MSI1: variants seen among roughly 807,000 people sequenced by gnomAD.
The protein encoded by MSI1 is RNA-binding protein Musashi homolog 1.
A neutral mutation model predicts 54.4 loss-of-function variants in MSI1; 15 were observed. The observed-to-expected ratio is 0.28, with a 90% confidence interval of 0.18 to 0.42. The LOEUF (loss-of-function observed/expected upper bound fraction) is 0.42. MSI1 is among the 20% of genes least tolerant of loss of function. The probability of loss-of-function intolerance (pLI) is 1.00; values close to 1 mark genes in which losing one functional copy is unlikely to be tolerated. For missense variants in MSI1, 304 were observed against 506.0 expected, an observed-to-expected ratio of 0.60 and a Z score of 3.83; for synonymous variants, 200 against 196.5, an observed-to-expected ratio of 1.02 and a Z score of -0.15.
chr12:120,362,913 C>T (rs1363826978), intron 6 of MSI1, 130 bp downstream of exon 6: 4 of 794,248 alleles, frequency 5.0e-6, no homozygotes, highest in Non-Finnish European at 8.4e-6. Flanking sequence ...TGGTCTGCCC[C>T]CACAGCAGGA....
intron 9 of MSI1, 36 bp from the exon 10 acceptor site, chr12:120,353,415 C>T (rs1874814819): frequency 6.3e-7 from 1 of 1,589,338 alleles, no homozygotes; most frequent in Non-Finnish European, 8.6e-7. Context: ...GATGGCTCAT[C>T]CACAGGGCGG....
rs372696170 is a variant in MSI1, at chr12:120,353,351, G to A, written c.681C>T (p.Tyr227=). The change falls in exon 10 of 15, where the codon TAC becomes TAT. Residue 227 remains tyrosine, a synonymous_variant. Transcript: ENST00000257552. ...CGAGGCCTGTATAACTCCGGCTGGC[G>A]TAGGTTGTGGCTTGGAAACCTGGGT... ...LGYPGFQATT[Y]ASRSYTGLAP... 52 of 1,614,010 alleles carry A rather than the reference G, an allele frequency of 3.2e-5. No homozygotes were observed. In the South Asian group the frequency reaches 3.5e-4, roughly 11 times the overall value.
At chr12:120,343,646 G>A (rs568630737) in intron 14 of MSI1, among the ~76,000 whole-genome samples, 3 of 152,152 alleles carry the variant, frequency 2.0e-5, no homozygotes, top group Non-Finnish European at 4.4e-5. Context: ...AAATAGCCCT[G>A]TCATGCACAG....
intron 9 of MSI1, among the ~76,000 whole-genome samples, chr12:120,353,787 G>A (rs1035855844): frequency 2.0e-5 from 3 of 151,892 alleles, no homozygotes; most frequent in Admixed American, 1.3e-4. Flanking sequence ...CCCACCTCAG[G>A]GCCTTTGCAC....
At chr12:120,354,205 C>A (rs182537073) in intron 9 of MSI1, among the ~76,000 whole-genome samples, 1 of 151,946 alleles carries the variant, frequency 6.6e-6, no homozygotes, top group Non-Finnish European at 1.5e-5. Context: ...AGGCTGGTCT[C>A]GAACTACTAG....
intron 9 of MSI1, among the ~76,000 whole-genome samples, chr12:120,354,581 G>A (rs1235608269): frequency 1.3e-5 from 2 of 152,114 alleles, no homozygotes; most frequent in African/African-American, 2.4e-5. Flanking sequence ...AAAGGCATGT[G>A]CCACTACCCC....
Position 120,368,406 on chromosome 12 carries a change from C to T in MSI1, c.101-133G>A. On this transcript the variant is annotated intron_variant, in intron 2 of 14. Transcript: ENST00000257552. The surrounding 1 kb of genome is among the most constrained non-coding windows in gnomAD (Gnocchi z 6.6). Reference sequence around the variant, plus strand: ...GCTGCCCGCGCGTTCTCCACTGCCGCCGCCCCCCACCGCCCTCGCCCCGTT... The same window carrying T: ...GCTGCCCGCGCGTTCTCCACTGCCGTCGCCCCCCACCGCCCTCGCCCCGTT... 1.2e-6 allele frequency: 1 copy of T among 861,034 alleles called. No homozygotes were observed. The highest frequency in any genetic ancestry group is 1.7e-6 in the Non-Finnish European group (1 of 598,090). The allele number at this position is 861,034 out of a possible 1,614,324, so 53.3% of individuals were successfully genotyped here. A position where few individuals can be genotyped will look rare whatever the true frequency, so the allele number is the denominator to read the frequency against.
chr12:120,356,896 G>A lies in MSI1; in HGVS notation c.652+6C>T, dbSNP rs370653775. 4.3e-6 allele frequency: 7 copies of A among 1,612,278 alleles called. No individual in the cohort carries two copies. In the East Asian group the frequency reaches 6.7e-5, roughly 15 times the overall value. ...AAAGAAGCCGCAGGCGCAGGCTCGC[G>A]CATACCCAGCATGCCGATGCCCAGC... On this transcript the variant is annotated splice_donor_region_variant and intron_variant, in intron 9 of 14. Transcript: ENST00000257552.
chr12:120,340,544 T>A (rs918227096), downstream of MSI1, among the ~76,000 whole-genome samples: 2 of 152,124 alleles, frequency 1.3e-5, no homozygotes, highest in African/African-American at 2.4e-5. Context: ...TGAGAGCATC[T>A]TGCTCTGTCC....
chr12:120,369,120 A>AGCGGCGGCGGCGGCGGCG lies in MSI1; in HGVS notation c.-47_-30dup, dbSNP rs547256348. The AGCGGCGGCGGCGGCGGCG allele has an allele frequency of 1.0e-6, 1 of 999,180 alleles. No individual in the cohort carries two copies. Among genetic ancestry groups the AGCGGCGGCGGCGGCGGCG allele is most frequent in the Non-Finnish European group, 1.2e-6 (1 of 843,364 alleles). The allele number at this position is 999,180 out of a possible 1,614,324, so 61.9% of individuals were successfully genotyped here. ...GAGCCGCGGGCGGCGCGGGCAGCGG[A>AGCGGCGGCGGCGGCGGCG]GCGGCGGCGGCGGCGGCGGCGGCGG... On this transcript the variant is annotated 5_prime_UTR_variant, in exon 1 of 15. Coordinates refer to ENST00000257552, the MANE Select transcript of MSI1 (RefSeq NM_002442.4).
At chr12:120,345,665 T>C in intron 13 of MSI1, 33 bp from the exon 14 acceptor site, 1 of 1,613,030 alleles carries the variant, frequency 6.2e-7, no homozygotes, top group South Asian at 1.1e-5. Context: ...CCTAGATTCC[T>C]GGGAAATAGA....
downstream of MSI1, among the ~76,000 whole-genome samples, chr12:120,340,295 G>A (rs1193640499): frequency 6.6e-6 from 1 of 152,044 alleles, no homozygotes; most frequent in African/African-American, 2.4e-5. Context: ...TGTTGCACAG[G>A]GTGGTTTCGA....
chr12:120,347,841 G>A (rs1874265853), intron 11 of MSI1, among the ~76,000 whole-genome samples: 1 of 151,866 alleles, frequency 6.6e-6, no homozygotes, highest in Non-Finnish European at 1.5e-5. Context: ...AGCTGCGAAG[G>A]TTGCCCGCAG....
chr12:120,349,430 C>T (rs943505867), intron 11 of MSI1, among the ~76,000 whole-genome samples: 2 of 151,022 alleles, frequency 1.3e-5, no homozygotes, highest in African/African-American at 4.9e-5. Context: ...GATGGGGTTT[C>T]AACATGTTGG....
chr12:120,365,032 T>A (rs190919433), intron 4 of MSI1, among the ~76,000 whole-genome samples: 1 of 152,278 alleles, frequency 6.6e-6, no homozygotes, highest in East Asian at 1.9e-4. Flanking sequence ...TGCCTCAGCC[T>A]CCCTAGTAGC....
chr12:120,364,601 A>G, intron 5 of MSI1, 113 bp downstream of exon 5: 2 of 1,069,224 alleles, frequency 1.9e-6, no homozygotes, highest in Non-Finnish European at 2.6e-6. Flanking sequence ...CCATTCCACA[A>G]ACACTCCAAG....
intron 11 of MSI1, among the ~76,000 whole-genome samples, 161 bp from the exon 12 acceptor site, chr12:120,347,675 A>T (rs1438286419): frequency 6.6e-6 from 1 of 152,178 alleles, no homozygotes; most frequent in African/African-American, 2.4e-5. Context: ...GGGCCACACC[A>T]TCTGTGTCCT....
intron 9 of MSI1, among the ~76,000 whole-genome samples, chr12:120,354,401 C>T (rs144791205): frequency 3.3e-5 from 5 of 151,870 alleles, no homozygotes; most frequent in African/African-American, 1.2e-4. Context: ...TCTTAACCAC[C>T]GATCTCACTA....
intron 5 of MSI1, among the ~76,000 whole-genome samples, chr12:120,363,553 A>G (rs1042653593): frequency 5.4e-5 from 8 of 149,088 alleles, no homozygotes; most frequent in African/African-American, 1.7e-4. Flanking sequence ...TCCTCCCAAC[A>G]CAACCTCTGG....
Sources: allele counts gnomAD v4.1 joint callset (sites outside exome capture counted in the v4.1 genomes callset), GRCh38; gene constraint gnomAD v4.1.1; non-coding constraint Gnocchi (gnomAD v3.1); transcripts MANE v1.5; gene names NCBI Gene and HGNC (gene_info 2026-07-23, HGNC 2026-07-21).